The following ANKRD16 variants were observed in gnomAD, a reference collection of about 807,000 sequenced individuals.
ANKRD16 encodes the protein ankyrin repeat domain-containing protein 16.
In ANKRD16, 35 loss-of-function variants were observed where a neutral mutation model predicts 37.9. That is an observed-to-expected ratio of 0.92 (90% CI 0.71 to 1.23). The LOEUF is 1.23. ANKRD16 is among the 50% of genes most tolerant of loss of function. The pLI, the probability that ANKRD16 is intolerant of heterozygous loss-of-function variation, is 0.00. For synonymous variants in ANKRD16, 206 were observed against 197.2 expected (o/e 1.04, Z -0.37); for missense variants, 480 against 469.9 (o/e 1.02, Z -0.20).
Position 5,874,867 on chromosome 10 carries a change from G to A in ANKRD16, c.*33+3230C>T, listed in dbSNP as rs1842160216. Among the ~76,000 whole-genome samples the A allele has an allele frequency of 6.6e-6, 1 of 152,148 alleles. No homozygotes were observed. Among genetic ancestry groups the A allele is most frequent in the African/African-American group, 2.4e-5 (1 of 41,414 alleles). The stretch of plus-strand genomic sequence containing the variant: ...AGATGCTGGAGACAGAAGCTGGTAC[G>A]CATGAGCACGGAGGGCCAGCCTGAC... On this transcript the variant is annotated intron_variant, in intron 7 of 7. Transcript: ENST00000380094. The surrounding 1 kb of genome is among the most constrained non-coding windows in gnomAD (Gnocchi z 4.7).
chr10:5,871,829 C>T lies in ANKRD16; in HGVS notation c.*33+6268G>A, dbSNP rs1842094547. On this transcript the variant is annotated intron_variant, in intron 7 of 7. Transcript: ENST00000380094. The surrounding 1 kb of genome is among the most constrained non-coding windows in gnomAD (Gnocchi z 4.5). Reference sequence around the variant, plus strand: ...CCACATGCTCATCCCCTCACTCACCCTCTCGGAGAAAACTACTGTCCTGTC... The same window carrying T: ...CCACATGCTCATCCCCTCACTCACCTTCTCGGAGAAAACTACTGTCCTGTC... 6.6e-6 allele frequency among the ~76,000 whole-genome samples: 1 copy of T among 152,332 alleles called. No homozygotes were observed. The highest frequency in any genetic ancestry group is 2.1e-4 in the South Asian group (1 of 4,830).
At position 5,869,763 on chromosome 10, in the gene ANKRD16, G is replaced by C. The variant is rs1305446508; in HGVS notation, c.*34-7072C>G. Among the ~76,000 whole-genome samples the C allele has an allele frequency of 1.2e-5, 1 of 80,668 alleles. No individual in the cohort carries two copies. Among genetic ancestry groups the C allele is most frequent in the African/African-American group, 5.0e-5 (1 of 19,872 alleles). 52.9% of individuals were successfully genotyped at this position (80,668 alleles called of 152,430 possible). A position where few individuals can be genotyped will look rare whatever the true frequency, so the allele number is the denominator to read the frequency against. On this transcript the variant is annotated intron_variant, in intron 7 of 7. Transcript: ENST00000380094. The surrounding 1 kb of genome is among the most constrained non-coding windows in gnomAD (Gnocchi z 4.0). ...GGGAACTAGCTGGAAGCAGCTGGGGGTTGCTGGGGGGAGGGGTGGGTGGGT... is the reference window on the plus strand; with the variant it reads ...GGGAACTAGCTGGAAGCAGCTGGGGCTTGCTGGGGGGAGGGGTGGGTGGGT...
rs757648721 is a variant in ANKRD16 at position 5,880,359 on chromosome 10, T to G, written c.867A>C (p.Thr289=). 1.2e-4 allele frequency: 189 copies of G among 1,601,662 alleles called. No homozygotes were observed. Among genetic ancestry groups the G allele is most frequent in the Non-Finnish European group, 1.4e-4 (169 of 1,175,328 alleles). The change falls in exon 6 of 8, where the codon ACA becomes ACC. Residue 289 remains threonine, a synonymous_variant. Transcript: ENST00000380094. The part of the protein sequence containing the change: ...HYAAKEGHTS[T]IQTLLSLGAD... ...CTCCCAAGGATAAGAGAGTCTGAAT[T>G]GTACTTGTATGTCCTTCCTGAATTG...
rs763914044 is a variant in ANKRD16 at position 5,882,974 on chromosome 10, A to C, written c.849+32T>G. On this transcript the variant is annotated intron_variant, in intron 5 of 7. Coordinates refer to ENST00000380094, the MANE Select transcript of ANKRD16 (RefSeq NM_019046.3). Reference sequence around the variant, plus strand: ...CAAAGAAGTAAGGCAAGCCTCAGGGAAGCTCGGACAACGTTATAAGAAGTA... The same window carrying C: ...CAAAGAAGTAAGGCAAGCCTCAGGGCAGCTCGGACAACGTTATAAGAAGTA... The C allele has an allele frequency of 4.4e-6, 7 of 1,605,266 alleles. No individual in the cohort carries two copies. In the Admixed American group the frequency reaches 8.4e-5, roughly 19 times the overall value.
Position 5,871,951 on chromosome 10 carries a change from C to T in ANKRD16, c.*33+6146G>A, listed in dbSNP as rs778868295. 2.0e-5 allele frequency among the ~76,000 whole-genome samples: 3 copies of T among 152,254 alleles called. No homozygotes were observed. Among genetic ancestry groups the T allele is most frequent in the South Asian group, 4.1e-4 (2 of 4,830 alleles). On this transcript the variant is annotated intron_variant, in intron 7 of 7. Coordinates refer to ENST00000380094, the MANE Select transcript of ANKRD16 (RefSeq NM_019046.3). This position sits in a 1 kb window ranked among gnomAD's most constrained non-coding sequence, Gnocchi z 4.5. The stretch of plus-strand genomic sequence containing the variant: ...GTGCAGCCCATATCTCCCACCCACT[C>T]GCATGGCCCAACCTCCAGTGATCAA...
At position 5,878,695 on chromosome 10, in the gene ANKRD16, G is replaced by A. The variant is rs564143447; in HGVS notation, c.929-408C>T. On this transcript the variant is annotated intron_variant, in intron 6 of 7. Coordinates refer to ENST00000380094, the MANE Select transcript of ANKRD16 (RefSeq NM_019046.3). This position sits in a 1 kb window ranked among gnomAD's most constrained non-coding sequence, Gnocchi z 5.1. ...TGCCTGTAATCCCAGCTACTCGGGA[G>A]GCTGAGGCAGGAAAATCGCTTGAAC... 5.3e-5 allele frequency among the ~76,000 whole-genome samples: 8 copies of A among 151,872 alleles called. No individual in the cohort carries two copies. The highest frequency in any genetic ancestry group is 7.4e-5 in the Non-Finnish European group (5 of 67,994).
At chr10:5,887,138 C>A (rs533978620) in intron 2 of ANKRD16, among the ~76,000 whole-genome samples, 1 of 152,302 alleles carries the variant, frequency 6.6e-6, no homozygotes, top group Non-Finnish European at 1.5e-5. Context: ...AACTCTACAA[C>A]AACCCTGAGA....
In ANKRD16 at chr10:5,865,337, A is replaced by G. The variant is rs1169682670; in HGVS notation, c.*34-2646T>C. On this transcript the variant is annotated intron_variant, in intron 7 of 7. Coordinates refer to ENST00000380094, the MANE Select transcript of ANKRD16 (RefSeq NM_019046.3). The surrounding 1 kb of genome is among the most constrained non-coding windows in gnomAD (Gnocchi z 4.7). The stretch of plus-strand genomic sequence containing the variant: ...GAGGACAAAGGTTCTCTGGGCCAGA[A>G]GCCCCCAACCAGATGATCCAACAAC... Among the ~76,000 whole-genome samples, 2 of 152,230 alleles carry G rather than the reference A, an allele frequency of 1.3e-5. No individual in the cohort carries two copies. The highest frequency in any genetic ancestry group is 4.8e-5 in the African/African-American group (2 of 41,464).
Position 5,865,645 on chromosome 10 carries a change from A to C in ANKRD16, c.*34-2954T>G, listed in dbSNP as rs964928652. 6.6e-6 allele frequency among the ~76,000 whole-genome samples: 1 copy of C among 152,212 alleles called. No homozygotes were observed. The highest frequency in any genetic ancestry group is 2.4e-5 in the African/African-American group (1 of 41,460). ...TATTTCTCCCACCTCCTCAGTTGTA[A>C]TTCGGATGCTTTGCTCTTTTCACAT... On this transcript the variant is annotated intron_variant, in intron 7 of 7. Coordinates refer to ENST00000380094, the MANE Select transcript of ANKRD16 (RefSeq NM_019046.3). This position sits in a 1 kb window ranked among gnomAD's most constrained non-coding sequence, Gnocchi z 4.7.
At chr10:5,876,523 C>A (rs550386356) in intron 7 of ANKRD16, among the ~76,000 whole-genome samples, 4 of 152,322 alleles carry the variant, frequency 2.6e-5, no homozygotes, top group Admixed American at 2.6e-4. Flanking sequence ...TTGACGCAGG[C>A]ATCTCTGGAG....
intron 4 of ANKRD16, among the ~76,000 whole-genome samples, chr10:5,883,602 A>T (rs1269745965): frequency 2.0e-5 from 3 of 152,180 alleles, no homozygotes; most frequent in Non-Finnish European, 4.4e-5. Context: ...GCTCTCAAAA[A>T]AGGGCTCTCT....
intron 1 of ANKRD16, 23 bp downstream of exon 1, chr10:5,889,018 G>A: frequency 4.0e-6 from 6 of 1,494,100 alleles, no homozygotes; most frequent in Non-Finnish European, 5.3e-6. Context: ...GGGAGGCGGG[G>A]TGTCTTTCCG....
At chr10:5,888,220 C>T (rs555175398) in intron 1 of ANKRD16, among the ~76,000 whole-genome samples, 153 bp from the exon 2 acceptor site, 6 of 152,194 alleles carry the variant, frequency 3.9e-5, no homozygotes, top group African/African-American at 1.4e-4. Context: ...GACCGGCAAC[C>T]TCTGTGCCTT....
chr10:5,881,508 T>G (rs1425594515), intron 5 of ANKRD16, among the ~76,000 whole-genome samples: 3 of 136,786 alleles, frequency 2.2e-5, no homozygotes, highest in African/African-American at 5.3e-5. Context: ...CTCTGTTGCT[T>G]GGCTGGGGTG....
Position 5,878,063 on chromosome 10 carries a change from CTG to C in ANKRD16, c.*33+32_*33+33del. 1.3e-6 allele frequency: 2 copies of C among 1,553,320 alleles called. No individual in the cohort carries two copies. Among genetic ancestry groups the C allele is most frequent in the African/African-American group, 2.7e-5 (2 of 73,138 alleles). On this transcript the variant is annotated intron_variant, in intron 7 of 7. Coordinates refer to ENST00000380094, the MANE Select transcript of ANKRD16 (RefSeq NM_019046.3). The surrounding 1 kb of genome is among the most constrained non-coding windows in gnomAD (Gnocchi z 5.1). ...TGGCTTCCAACTGGTTTCGCTGAATCTGTGACTGACTTAAGAAGCAGGATATG... is the reference window on the plus strand; with the variant it reads ...TGGCTTCCAACTGGTTTCGCTGAATCTGACTGACTTAAGAAGCAGGATATG...
chr10:5,876,001 A>C (rs1161663161), intron 7 of ANKRD16, among the ~76,000 whole-genome samples: 4 of 152,192 alleles, frequency 2.6e-5, no homozygotes, highest in Non-Finnish European at 5.9e-5. Context: ...CTCCTGCCTC[A>C]GCCTCCCAAG....
chr10:5,889,245 C>T lies in ANKRD16; in HGVS notation c.110G>A (p.Gly37Glu), dbSNP rs1324622657. The T allele has an allele frequency of 1.3e-6, 2 of 1,529,930 alleles. No individual in the cohort carries two copies. The highest frequency in any genetic ancestry group is 2.5e-5 in the East Asian group (1 of 39,712). The allele number at this position is 1,529,930 out of a possible 1,614,324, so 94.8% of individuals were successfully genotyped here. ...CGCGGCGCAGTGCAGGAGGGTATCCCCGGCCGGCCCCGGGCAGCCCCCGGC... is the reference window on the plus strand; with the variant it reads ...CGCGGCGCAGTGCAGGAGGGTATCCTCGGCCGGCCCCGGGCAGCCCCCGGC... The part of the protein sequence containing the change: ...QAAGGCPGPA[G>E]DTLLHCAARH... The change falls in exon 1 of 8, where the codon GGG (glycine) becomes GAG (glutamate). Residue 37 changes from glycine to glutamate, a missense_variant. Coordinates refer to ENST00000380094, the MANE Select transcript of ANKRD16 (RefSeq NM_019046.3).
Position 5,862,665 on chromosome 10 carries a change from CG to C in ANKRD16, c.*59del. 1 of 1,289,656 alleles carries C rather than the reference CG, an allele frequency of 7.8e-7. No individual in the cohort carries two copies. The highest frequency in any genetic ancestry group is 1.0e-6 in the Non-Finnish European group (1 of 988,876). The allele number at this position is 1,289,656 out of a possible 1,614,324, so 79.9% of individuals were successfully genotyped here. On this transcript the variant is annotated 3_prime_UTR_variant, in exon 8 of 8. Coordinates refer to ENST00000380094, the MANE Select transcript of ANKRD16 (RefSeq NM_019046.3). The surrounding 1 kb of genome is among the most constrained non-coding windows in gnomAD (Gnocchi z 6.5). ...ACTTGGCTTTCTCTGAGCCGAAAAA[CG>C]AAAGGTGCTCAGGCTCCCAGCAACT...
intron 6 of ANKRD16, among the ~76,000 whole-genome samples, chr10:5,879,291 T>C (rs1842242605): frequency 6.6e-6 from 1 of 152,116 alleles, no homozygotes; most frequent in Non-Finnish European, 1.5e-5. Flanking sequence ...CTGGCCAACA[T>C]GGTGAAACCC....
Sources: allele counts gnomAD v4.1 joint callset (sites outside exome capture counted in the v4.1 genomes callset), GRCh38; gene constraint gnomAD v4.1.1; non-coding constraint Gnocchi (gnomAD v3.1); transcripts MANE v1.5; gene names NCBI Gene and HGNC (gene_info 2026-07-23, HGNC 2026-07-21).